PRKCH: variants seen among roughly 807,000 people sequenced by gnomAD.
PRKCH encodes the protein protein kinase C eta.
A neutral mutation model predicts 82.5 loss-of-function variants in PRKCH; 28 were observed. The observed-to-expected ratio is 0.34, with a 90% CI of 0.25 to 0.47. The LOEUF is 0.47. Among genes scored for constraint, PRKCH ranks in the 20% least tolerant of loss-of-function variants. The pLI, the probability that PRKCH is intolerant of heterozygous loss-of-function variation, is 1.00. For missense variants in PRKCH, 705 were observed against 881.8 expected (o/e 0.80, Z 2.54); for synonymous variants, 322 against 327.4 (o/e 0.98, Z 0.18).
At chr14:61,225,330 C>T (rs2044688866) in intron 1 of PRKCH, among the ~76,000 whole-genome samples, 1 of 152,210 alleles carries the variant, frequency 6.6e-6, no homozygotes, top group African/African-American at 2.4e-5. Flanking sequence ...GCACTGTAGG[C>T]TTGGGAAATT....
chr14:61,425,954 G>C (rs533532567), intron 2 of PRKCH, among the ~76,000 whole-genome samples: 2 of 152,184 alleles, frequency 1.3e-5, no homozygotes, highest in Non-Finnish European at 2.9e-5. Flanking sequence ...CACACTCTCT[G>C]TCTCACCTGC....
At chr14:61,250,238 AAAATAAATAAAT>A (rs371406494) in intron 1 of PRKCH, among the ~76,000 whole-genome samples, 6,139 of 139,214 alleles carry the variant, frequency 0.044, 189 homozygotes, top group Middle Eastern at 0.092. Context: ...CTCAGTCTCA[AAAATAAATAAAT>A]AAATAAATAA....
At chr14:61,256,235 A>C (rs1594877031) in intron 1 of PRKCH, among the ~76,000 whole-genome samples, 1 of 152,208 alleles carries the variant, frequency 6.6e-6, no homozygotes. Context: ...CCAGGAATGC[A>C]TTAAATTGGC....
chr14:61,451,584 A>T (rs775800789), intron 6 of PRKCH, among the ~76,000 whole-genome samples: 3 of 152,154 alleles, frequency 2.0e-5, no homozygotes, highest in Non-Finnish European at 4.4e-5. Context: ...TGCCCAGTGG[A>T]GTGAGAGTTT....
rs952407960 is a variant in PRKCH at position 61,523,923 on chromosome 14, G to A, written c.1434-5152G>A. Among the ~76,000 whole-genome samples the A allele has an allele frequency of 4.6e-5, 7 of 152,358 alleles. No homozygotes were observed. In the East Asian group the frequency reaches 9.6e-4, roughly 21 times the overall value. Reference sequence around the variant, plus strand: ...CAGGGAGGGAGGGAGTCGATGTAGCGAGGGAGCATGTTTGGACGTGCATTG... The same window carrying A: ...CAGGGAGGGAGGGAGTCGATGTAGCAAGGGAGCATGTTTGGACGTGCATTG... On this transcript the variant is annotated intron_variant, in intron 10 of 13. Coordinates refer to ENST00000332981, the MANE Select transcript of PRKCH (RefSeq NM_006255.5).
intron 1 of PRKCH, among the ~76,000 whole-genome samples, chr14:61,242,460 C>T (rs1046035773): frequency 2.0e-5 from 3 of 152,188 alleles, no homozygotes; most frequent in African/African-American, 4.8e-5. Context: ...TGCAGTGGCA[C>T]GATCTCAGCT....
At chr14:61,375,408 A>G (rs1446605682) in intron 1 of PRKCH, among the ~76,000 whole-genome samples, 1 of 152,002 alleles carries the variant, frequency 6.6e-6, no homozygotes, top group Non-Finnish European at 1.5e-5. Context: ...TACTTTTCAG[A>G]TATCTTTATA....
chr14:61,496,769 C>T (rs1594763069), intron 10 of PRKCH, among the ~76,000 whole-genome samples: 1 of 152,260 alleles, frequency 6.6e-6, no homozygotes, highest in East Asian at 1.9e-4. Flanking sequence ...AAATTCTACG[C>T]TTTTTTTATT....
chr14:61,519,237 A>C (rs1283917144), intron 10 of PRKCH, among the ~76,000 whole-genome samples: 1 of 152,048 alleles, frequency 6.6e-6, no homozygotes. Flanking sequence ...AGCTATGATC[A>C]CGCTGCTGCA....
chr14:61,499,811 C>T (rs1009310227), intron 10 of PRKCH, among the ~76,000 whole-genome samples: 20 of 151,512 alleles, frequency 1.3e-4, no homozygotes, highest in Non-Finnish European at 2.8e-4. Context: ...TTGGAAATTT[C>T]GCCTTTCTGT....
intron 1 of PRKCH, among the ~76,000 whole-genome samples, chr14:61,209,239 TC>T (rs2140044061): frequency 6.6e-6 from 1 of 151,858 alleles, no homozygotes; most frequent in South Asian, 2.1e-4. Flanking sequence ...GAATTTTTTT[TC>T]TTTATAAATT....
chr14:61,436,020 A>AGAT (rs1230267834), intron 2 of PRKCH, among the ~76,000 whole-genome samples: 1 of 152,180 alleles, frequency 6.6e-6, no homozygotes, highest in Non-Finnish European at 1.5e-5. Flanking sequence ...GAAAAAGGAA[A>AGAT]GATGATGATG....
chr14:61,293,619 T>C, intron 1 of PRKCH, among the ~76,000 whole-genome samples: 1 of 152,242 alleles, frequency 6.6e-6, no homozygotes. Flanking sequence ...ATCAGAGCTA[T>C]TTATTAGAAG....
intron 1 of PRKCH, among the ~76,000 whole-genome samples, chr14:61,294,166 G>T (rs980181322): frequency 6.6e-6 from 1 of 151,896 alleles, no homozygotes; most frequent in Admixed American, 6.6e-5. Flanking sequence ...TGTCGCCCAG[G>T]CTGGAGTGCA....
chr14:61,227,161 G>C lies in PRKCH; in HGVS notation c.-19+39493G>C, dbSNP rs566158433. 2.0e-5 allele frequency among the ~76,000 whole-genome samples: 3 copies of C among 152,354 alleles called. No individual in the cohort carries two copies. In the South Asian group the frequency reaches 6.2e-4, roughly 32 times the overall value. On this transcript the variant is annotated intron_variant, in intron 1 of 3. Coordinates refer to the PRKCH transcript ENST00000555185. ...AGAATCTAAATAAATTGGCAGTATA[G>C]AACAGCAGTTAATCATGTGGTTCTC...
upstream of PRKCH, among the ~76,000 whole-genome samples, chr14:61,317,923 C>T (rs2045576975): frequency 6.6e-6 from 1 of 152,116 alleles, no homozygotes; most frequent in Non-Finnish European, 1.5e-5. Context: ...GAGACTGCCC[C>T]TCCGAGTGTC....
chr14:61,399,619 T>C (rs183595114), intron 2 of PRKCH, among the ~76,000 whole-genome samples: 295 of 152,354 alleles, frequency 1.9e-3, no homozygotes, highest in African/African-American at 6.4e-3. Flanking sequence ...GACAAGTAGA[T>C]TATCTCCTAC....
At chr14:61,476,397 T>TG (rs1459154183) in intron 9 of PRKCH, 3 of 152,332 alleles carry the variant, frequency 2.0e-5, no homozygotes, top group Middle Eastern at 6.8e-3. Context: ...ACAATGATAC[T>TG]GGAAAGCTGT....
intron 2 of PRKCH, among the ~76,000 whole-genome samples, chr14:61,424,325 G>A (rs762027862): frequency 3.3e-5 from 5 of 152,218 alleles, no homozygotes; most frequent in Non-Finnish European, 5.9e-5. Flanking sequence ...ACAGTTTGGA[G>A]GGCTCAGAAG....
Sources: allele counts gnomAD v4.1 joint callset (sites outside exome capture counted in the v4.1 genomes callset), GRCh38; gene constraint gnomAD v4.1.1; transcripts MANE v1.5; gene names NCBI Gene and HGNC (gene_info 2026-07-23, HGNC 2026-07-21).